The following RORA variants were observed in gnomAD, a reference collection of about 807,000 sequenced individuals.
RORA encodes the protein nuclear receptor ROR-alpha.
A neutral mutation model predicts 69.5 loss-of-function variants in RORA; 7 were observed. The ratio of observed to expected loss-of-function variants is 0.10; its 90% CI spans 0.06 to 0.19. The LOEUF (loss-of-function observed/expected upper bound fraction) is 0.19, where lower values mean the gene tolerates loss of function less well. RORA is among the 10% of genes least tolerant of loss of function. The pLI, the probability that RORA is intolerant of heterozygous loss-of-function variation, is 1.00. For synonymous variants in RORA, 261 were observed against 240.8 expected, an observed-to-expected ratio of 1.08 and a Z score of -0.78; for missense variants, 457 against 663.0, an observed-to-expected ratio of 0.69 and a Z score of 3.41.
chr15:60,881,801 G>A (rs1177887325), intron 1 of RORA, among the ~76,000 whole-genome samples: 1 of 152,158 alleles, frequency 6.6e-6, no homozygotes, highest in Non-Finnish European at 1.5e-5. Context: ...CACATTTGAA[G>A]CTCTTTGCAA....
At chr15:60,612,824 G>A (rs1373427277) in intron 2 of RORA, among the ~76,000 whole-genome samples, 1 of 152,120 alleles carries the variant, frequency 6.6e-6, no homozygotes, top group Non-Finnish European at 1.5e-5. Context: ...ACTCTCCTGA[G>A]TGACTCAATC....
At chr15:61,120,962 C>T (rs1235020297) in intron 1 of RORA, among the ~76,000 whole-genome samples, 1 of 151,602 alleles carries the variant, frequency 6.6e-6, no homozygotes, top group Non-Finnish European at 1.5e-5. Flanking sequence ...ATTCTCCTGT[C>T]TCAGCTTCCC....
At chr15:60,915,677 G>A (rs981365548) in intron 1 of RORA, among the ~76,000 whole-genome samples, 1 of 152,110 alleles carries the variant, frequency 6.6e-6, no homozygotes, top group Non-Finnish European at 1.5e-5. Flanking sequence ...AGCCACATGT[G>A]GCTATTGGCT....
intron 1 of RORA, among the ~76,000 whole-genome samples, chr15:61,134,281 T>G (rs2079217145): frequency 6.6e-6 from 1 of 152,206 alleles, no homozygotes; most frequent in South Asian, 2.1e-4. Context: ...AGTTTCCTCA[T>G]CAGTTTGATT....
At chr15:60,978,569 G>A (rs937282624) in intron 1 of RORA, among the ~76,000 whole-genome samples, 8 of 151,766 alleles carry the variant, frequency 5.3e-5, no homozygotes, top group African/African-American at 1.9e-4. Flanking sequence ...TTATGTTTTT[G>A]GTGTGACACT....
intron 1 of RORA, among the ~76,000 whole-genome samples, chr15:60,777,823 G>A (rs979344882): frequency 2.4e-4 from 36 of 152,120 alleles, no homozygotes; most frequent in African/African-American, 7.7e-4. Context: ...GTCGAGGAGC[G>A]TATTGAACTG....
intron 1 of RORA, among the ~76,000 whole-genome samples, chr15:61,037,871 C>A (rs572528672): frequency 3.9e-5 from 6 of 152,156 alleles, no homozygotes; most frequent in Non-Finnish European, 8.8e-5. Flanking sequence ...TCAGGAAAGG[C>A]TTTCCTGAAG....
intron 1 of RORA, among the ~76,000 whole-genome samples, chr15:60,839,008 C>A (rs913913480): frequency 6.6e-6 from 1 of 152,102 alleles, no homozygotes; most frequent in Non-Finnish European, 1.5e-5. Context: ...CCTGCCTCAG[C>A]CTCCTGAATA....
intron 1 of RORA, among the ~76,000 whole-genome samples, chr15:61,035,016 C>T (rs540356247): frequency 2.2e-4 from 33 of 152,198 alleles, no homozygotes; most frequent in East Asian, 5.8e-4. Flanking sequence ...TTTAACTATG[C>T]GCATATGTTT....
intron 2 of RORA, chr15:60,593,043 C>A (rs1021746876): frequency 5.5e-5 from 24 of 434,568 alleles, no homozygotes; most frequent in Non-Finnish European, 9.7e-5. Flanking sequence ...TCGGAAGGTA[C>A]GGCCCACTTC....
At chr15:60,751,876 C>T (rs2071727767) in intron 1 of RORA, among the ~76,000 whole-genome samples, 1 of 152,080 alleles carries the variant, frequency 6.6e-6, no homozygotes, top group Non-Finnish European at 1.5e-5. Context: ...TAAAACACTC[C>T]AAGTAAGGAT....
intron 1 of RORA, 102 bp downstream of exon 1, chr15:61,228,951 G>T: frequency 2.7e-6 from 1 of 368,046 alleles, no homozygotes; most frequent in South Asian, 1.1e-4. Flanking sequence ...AGGCTCGCGC[G>T]CGGCCGCCGG....
Position 61,193,134 on chromosome 15 carries a change from T to C in RORA, c.166+35919A>G, listed in dbSNP as rs967429067. Among the ~76,000 whole-genome samples, 15 of 152,178 alleles carry C rather than the reference T, an allele frequency of 9.9e-5. 1 individual carries two copies. Among genetic ancestry groups the C allele is most frequent in the Admixed American group, 7.9e-4 (12 of 15,276 alleles). On this transcript the variant is annotated intron_variant, in intron 1 of 10. Transcript: ENST00000335670. ...TTCCAAATATACGTCATTTTACTTA[T>C]CCCCGAACACATGATGCCAATTCCT...
chr15:60,793,058 G>A (rs1267413062), intron 1 of RORA, among the ~76,000 whole-genome samples: 4 of 151,448 alleles, frequency 2.6e-5, no homozygotes, highest in African/African-American at 9.7e-5. Context: ...AAAAGAGAAA[G>A]AAAACTTGAT....
intron 1 of RORA, among the ~76,000 whole-genome samples, chr15:60,772,990 T>C (rs2072101068): frequency 6.6e-6 from 1 of 152,222 alleles, no homozygotes; most frequent in South Asian, 2.1e-4. Context: ...TTTATTACCA[T>C]GGGGTGAATC....
chr15:60,936,652 C>T (rs1031175751), intron 1 of RORA, among the ~76,000 whole-genome samples: 18 of 152,240 alleles, frequency 1.2e-4, no homozygotes, highest in Non-Finnish European at 1.6e-4. Context: ...GCCAGAGTGA[C>T]GGGCACTGCC....
At chr15:60,661,276 C>A (rs984643034) in intron 2 of RORA, among the ~76,000 whole-genome samples, 1 of 152,148 alleles carries the variant, frequency 6.6e-6, no homozygotes, top group Non-Finnish European at 1.5e-5. Flanking sequence ...GGGCCAGGCA[C>A]AATCTGTAAA....
At chr15:60,719,264 T>C (rs1331333839) in intron 1 of RORA, among the ~76,000 whole-genome samples, 2 of 151,976 alleles carry the variant, frequency 1.3e-5, no homozygotes, top group African/African-American at 4.8e-5. Flanking sequence ...GATGACATGA[T>C]GTCTGAGATT....
intron 1 of RORA, among the ~76,000 whole-genome samples, chr15:60,757,920 T>C (rs750261904): frequency 2.6e-5 from 4 of 152,172 alleles, no homozygotes; most frequent in Non-Finnish European, 5.9e-5. Flanking sequence ...CACATGGAGA[T>C]GGCAAACACA....
Sources: gnomAD v4.1 joint callset for allele counts (sites outside exome capture counted in the v4.1 genomes callset) on GRCh38, gnomAD v4.1.1 for gene constraint, MANE v1.5 for transcripts, NCBI Gene and HGNC (gene_info 2026-07-23, HGNC 2026-07-21) for gene names.